The following TH variants were observed in gnomAD, a reference collection of about 807,000 sequenced individuals.
TH encodes the protein tyrosine 3-monooxygenase.
In TH, 49 loss-of-function variants were observed where a neutral mutation model predicts 57.4. The observed-to-expected ratio is 0.85, with a 90% CI of 0.68 to 1.08. The LOEUF is 1.08. Ranked by LOEUF, TH falls within the 50% of genes least tolerant of loss-of-function variation. The pLI is 0.00. For missense variants in TH, 720 were observed against 696.7 expected, an observed-to-expected ratio of 1.03 and a Z score of -0.38; for synonymous variants, 330 against 304.5, an observed-to-expected ratio of 1.08 and a Z score of -0.87.
At chr11:2,169,596 A>G in intron 2 of TH, 54 bp downstream of exon 2, 1 of 1,579,884 alleles carries the variant, frequency 6.3e-7, no homozygotes, top group Non-Finnish European at 8.7e-7. Context: ...CTCAGCCCAC[A>G]CAGCCCCACC....
In TH at chr11:2,164,311, G is replaced by C. The variant is rs1846020441; in HGVS notation, c.1416C>G (p.Pro472=). The C allele has an allele frequency of 1.3e-6, 2 of 1,533,664 alleles. No homozygotes were observed. The highest frequency in any genetic ancestry group is 2.8e-5 in the African/African-American group (2 of 71,674). Residue 472 remains proline, a synonymous_variant, in exon 13 of 13, where the codon CCC becomes CCG. Coordinates refer to ENST00000352909, the MANE Select transcript of TH (RefSeq NM_000360.4). ...YTLAIDVLDS[P]QAVRRSLEGV... is the part of the protein sequence containing the mutation. ...CCTCCAGGGAGCGCCGCACGGCCTG[G>C]GGGCTGTCCAGCACGTCGATGGCCA...
intron 5 of TH, 100 bp downstream of exon 5, chr11:2,167,766 T>G: frequency 1.4e-6 from 2 of 1,391,768 alleles, no homozygotes; most frequent in Non-Finnish European, 2.0e-6. Flanking sequence ...CTGATGCTGG[T>G]GACAAGATGG....
At chr11:2,166,347 G>A in intron 9 of TH, 133 bp downstream of exon 9, 6 of 1,245,154 alleles carry the variant, frequency 4.8e-6, no homozygotes, top group African/African-American at 4.5e-5. Context: ...CGCGACCCTC[G>A]GGGCGCCGAG....
chr11:2,165,192 G>C lies in TH; in HGVS notation c.1334+40C>G, dbSNP rs763749875. 1.9e-6 allele frequency: 3 copies of C among 1,612,252 alleles called. No homozygotes were observed. The Admixed American group carries it at 5.0e-5, about 27-fold the overall frequency. ...AAGGAAGGCCTGGCTGGCCCAGTTT[G>C]GGGGCACCATGGGGGGCTTGCCCTA... On this transcript the variant is annotated intron_variant, in intron 12 of 12. Coordinates refer to ENST00000352909, the MANE Select transcript of TH (RefSeq NM_000360.4).
In TH at chr11:2,168,632, G is replaced by T. The variant is rs571368528; in HGVS notation, c.346C>A (p.Arg116=). Residue 116 remains arginine (R), a synonymous_variant, in exon 3 of 13, where the codon CGG becomes AGG. Transcript: ENST00000352909. ...CCAGCTCGCGGCCTCTGGGCGGGCC[G>T]GGTCTCTAGATGGTGGATTTTGGCT... ...FEAKIHHLET[R]PAQRPRAGGP... 3.7e-6 allele frequency: 6 copies of T among 1,611,902 alleles called. No individual in the cohort carries two copies. The South Asian group carries it at 6.6e-5, about 18-fold the overall frequency.
Position 2,169,780 on chromosome 11 carries a change from G to A in TH, c.182C>T (p.Pro61Leu), listed in dbSNP as rs758680742. Reference protein sequence around the residue: ...AAVAAAAAAVPSEPGDPLEAV... With the variant: ...AAVAAAAAAVLSEPGDPLEAV... ...CTCCAGGGGGTCCCCGGGCTCCGAG[G>A]GGACTGCAGCGGCCGCTGCTGCCAC... The change falls in exon 2 of 13, where the codon CCC becomes CTC. Residue 61 changes from proline (P) to leucine (L), a missense_variant. By Grantham distance (98) the Pro-to-Leu change is moderately conservative. Transcript: ENST00000352909. 3 of 1,611,458 alleles carry A rather than the reference G, an allele frequency of 1.9e-6. No individual in the cohort carries two copies. Among genetic ancestry groups the A allele is most frequent in the East Asian group, 2.2e-5 (1 of 44,862 alleles).
intron 11 of TH, 140 bp from the exon 12 acceptor site, chr11:2,165,505 T>C: frequency 7.1e-7 from 1 of 1,411,572 alleles, no homozygotes; most frequent in Non-Finnish European, 9.8e-7. Context: ...AGGCCTGGGA[T>C]AATGTGGGGT....
At chr11:2,167,399 G>A (rs148317544) in intron 6 of TH, 36 bp downstream of exon 6, 37 of 1,551,102 alleles carry the variant, frequency 2.4e-5, no homozygotes, top group Non-Finnish European at 3.1e-5. Flanking sequence ...CATCCCCCGG[G>A]CTCCTCCCCA....
intron 2 of TH, among the ~76,000 whole-genome samples, chr11:2,169,394 G>A (rs574376163): frequency 1.3e-3 from 201 of 152,282 alleles, no homozygotes; most frequent in Non-Finnish European, 2.4e-3. Flanking sequence ...GGGATCCAGG[G>A]GATGGGCAAG....
At chr11:2,166,404 C>T in intron 9 of TH, 76 bp downstream of exon 9, 1 of 1,503,884 alleles carries the variant, frequency 6.6e-7, no homozygotes, top group South Asian at 1.2e-5. Flanking sequence ...CACCCACCCG[C>T]ACATCGATCC....
chr11:2,167,809 A>G, intron 5 of TH, 57 bp downstream of exon 5: 1 of 1,510,226 alleles, frequency 6.6e-7, no homozygotes, highest in Non-Finnish European at 9.0e-7. Flanking sequence ...CCCACCCCCC[A>G]GGTCCAGCGT....
intron 10 of TH, 64 bp downstream of exon 10, chr11:2,165,938 G>A (rs1846078065): frequency 1.6e-5 from 24 of 1,531,578 alleles, no homozygotes; most frequent in Middle Eastern, 1.7e-4. Context: ...ACGGCAAGAG[G>A]GTGAGGCCTG....
chr11:2,169,563 C>G (rs892923574), intron 2 of TH, 87 bp downstream of exon 2: 1 of 1,373,506 alleles, frequency 7.3e-7, no homozygotes, highest in African/African-American at 1.4e-5. Context: ...GCAGCTGCAC[C>G]TCTGCTATAG....
In TH at chr11:2,171,502, C is replaced by T. The variant is rs1234146645; in HGVS notation, c.90+195G>A. Among the ~76,000 whole-genome samples, 2 of 151,976 alleles carry T rather than the reference C, an allele frequency of 1.3e-5. No homozygotes were observed. On this transcript the variant is annotated intron_variant, in intron 1 of 12. Transcript: ENST00000352909. The surrounding 1 kb of genome is among the most constrained non-coding windows in gnomAD (Gnocchi z 8.6). The stretch of plus-strand genomic sequence containing the variant: ...ACAGGGACAGGCATCACCTCACCCT[C>T]CCCCAACAGGGACTCAAACACCAGG...
At position 2,170,734 on chromosome 11, in the gene TH, G is replaced by A; in HGVS notation, c.91-863C>T. 1 of 1,594,582 alleles carries A rather than the reference G, an allele frequency of 6.3e-7. No individual in the cohort carries two copies. Among genetic ancestry groups the A allele is most frequent in the African/African-American group, 1.4e-5 (1 of 74,014 alleles). On this transcript the variant is annotated intron_variant, in intron 1 of 12. Coordinates refer to ENST00000352909, the MANE Select transcript of TH (RefSeq NM_000360.4). This position sits in a 1 kb window ranked among gnomAD's most constrained non-coding sequence, Gnocchi z 6.0. ...GATGCAGCTGGGGCTGCAGTTCCAG[G>A]CCACGGAGAGCCTGTGAGGCTGGGC...
chr11:2,167,353 C>T, intron 6 of TH, 82 bp downstream of exon 6: 1 of 1,471,920 alleles, frequency 6.8e-7, no homozygotes. Context: ...GCCAAGGTCC[C>T]TGGAGGCGGC....
In TH at chr11:2,171,192, C is replaced by T. The variant is rs1256012368; in HGVS notation, c.90+505G>A. On this transcript the variant is annotated intron_variant, in intron 1 of 12. Transcript: ENST00000352909. The surrounding 1 kb of genome is among the most constrained non-coding windows in gnomAD (Gnocchi z 8.6). ...CCCTTTGAATTTTGCCCCCTATTTG[C>T]CCAGGACCCCCCACCATGAGCTGCT... 6.6e-6 allele frequency among the ~76,000 whole-genome samples: 1 copy of T among 151,978 alleles called. No individual in the cohort carries two copies. The highest frequency in any genetic ancestry group is 1.5e-5 in the Non-Finnish European group (1 of 67,992).
Position 2,168,667 on chromosome 11 carries a change from T to G in TH, c.313-2A>C. The G allele has an allele frequency of 6.3e-7, 1 of 1,577,938 alleles. No individual in the cohort carries two copies. Among genetic ancestry groups the G allele is most frequent in the Non-Finnish European group, 8.6e-7 (1 of 1,165,378 alleles). On this transcript the variant is annotated splice_acceptor_variant, in intron 2 of 12. Coordinates refer to ENST00000352909, the MANE Select transcript of TH (RefSeq NM_000360.4). LOFTEE classifies it high-confidence loss of function. ...ATGGTGGATTTTGGCTTCAAACGTCTTAGGGAGCAAAAGCAGGAAGAGAGA... is the reference window on the plus strand; with the variant it reads ...ATGGTGGATTTTGGCTTCAAACGTCGTAGGGAGCAAAAGCAGGAAGAGAGA...
Position 2,169,694 on chromosome 11 carries a change from C to T in TH, c.268G>A (p.Ala90Thr), listed in dbSNP as rs1349819263. ...CGGGACAGCGCCGAGGGCTTGGTGG[C>T]CCTCGGGGAGAAGAGCAGGTTTAGC... is the stretch of plus-strand genomic sequence containing the variant. ...AVLNLLFSPR[A>T]TKPSALSRAV... Residue 90 changes from alanine (A) to threonine (T), a missense_variant, in exon 2 of 13, where the codon GCC (alanine) becomes ACC (threonine). By Grantham distance (58) the Ala-to-Thr change is moderately conservative. Coordinates refer to ENST00000352909, the MANE Select transcript of TH (RefSeq NM_000360.4). 1.2e-6 allele frequency: 2 copies of T among 1,613,404 alleles called. No homozygotes were observed. The highest frequency in any genetic ancestry group is 1.7e-6 in the Non-Finnish European group (2 of 1,179,924).
Sources: gnomAD v4.1 joint callset for allele counts (sites outside exome capture counted in the v4.1 genomes callset) on GRCh38, gnomAD v4.1.1 for gene constraint, Gnocchi (gnomAD v3.1) non-coding constraint, MANE v1.5 for transcripts, NCBI Gene and HGNC (gene_info 2026-07-23, HGNC 2026-07-21) for gene names.